The following SNRK variants were observed in gnomAD, a reference collection of about 807,000 sequenced individuals.
SNRK encodes SNF related kinase.
A neutral mutation model predicts 48.2 loss-of-function variants in SNRK; 3 were observed. That is an observed-to-expected ratio of 0.06 (90% CI 0.03 to 0.16). The LOEUF is 0.16. SNRK is among the 10% of genes least tolerant of loss of function. SNRK has a pLI of 1.00. For missense variants in SNRK, 627 were observed against 976.0 expected, an observed-to-expected ratio of 0.64 and a Z score of 4.76; for synonymous variants, 376 against 366.1, an observed-to-expected ratio of 1.03 and a Z score of -0.31.
intron 5 of SNRK, chr3:43,340,799 C>G: frequency 2.9e-6 from 1 of 348,262 alleles, no homozygotes; most frequent in South Asian, 3.5e-5. Context: ...CAGTATGTAC[C>G]TTATCTGTGG....
chr3:43,342,587 G>A (rs1490158609), intron 5 of SNRK, among the ~76,000 whole-genome samples: 2 of 152,300 alleles, frequency 1.3e-5, no homozygotes, highest in African/African-American at 2.4e-5. Context: ...ACTACAGAAA[G>A]TTTCTGAAAA....
At chr3:43,346,660 G>T (rs2091278642) in intron 6 of SNRK, among the ~76,000 whole-genome samples, 1 of 152,204 alleles carries the variant, frequency 6.6e-6, no homozygotes, top group Non-Finnish European at 1.5e-5. Context: ...AGGGTTGCTT[G>T]ATATCCCAGG....
At position 43,296,423 on chromosome 3, in the gene SNRK, T is replaced by TATATATATATATATGTATATATATATTC. The variant is rs1553632591; in HGVS notation, c.-168-3321_-168-3320insATATGTATATATATATTCATATATATAT. On this transcript the variant is annotated intron_variant, in intron 1 of 6. Transcript: ENST00000296088. ...TTAGATGGATATACTGGCATATATA[T>TATATATATATATATGTATATATATATTC]ATATATATATGTATATATATATATT... Among the ~76,000 whole-genome samples, 162 of 143,636 alleles carry TATATATATATATATGTATATATATATTC rather than the reference T, an allele frequency of 1.1e-3. 1 individual carries two copies. The highest frequency in any genetic ancestry group is 4.0e-3 in the African/African-American group (154 of 38,082). The allele number at this position is 143,636 out of a possible 152,430, so 94.2% of individuals were successfully genotyped here. A position where few individuals can be genotyped will look rare whatever the true frequency, so the allele number is the denominator to read the frequency against.
chr3:43,334,682 C>T (rs1354876550), intron 4 of SNRK, among the ~76,000 whole-genome samples: 1 of 151,986 alleles, frequency 6.6e-6, no homozygotes, highest in Non-Finnish European at 1.5e-5. Flanking sequence ...CAGCCTCCAC[C>T]TCCTGGGTTC....
At chr3:43,346,094 A>G (rs1433296279) in intron 6 of SNRK, among the ~76,000 whole-genome samples, 1 of 152,150 alleles carries the variant, frequency 6.6e-6, no homozygotes, top group Admixed American at 6.5e-5. Flanking sequence ...CATCTCATAG[A>G]CTGCACCCAG....
intron 1 of SNRK, among the ~76,000 whole-genome samples, chr3:43,295,069 C>A (rs2090842268): frequency 6.6e-6 from 1 of 152,186 alleles, no homozygotes; most frequent in South Asian, 2.1e-4. Flanking sequence ...GAAATGATGA[C>A]ATGCTTAGCA....
intron 1 of SNRK, chr3:43,289,798 T>A (rs189071958): frequency 7.9e-4 from 121 of 152,804 alleles, no homozygotes; most frequent in African/African-American, 2.7e-3. Flanking sequence ...AGGTAGGCTG[T>A]TCCATGGCAA....
chr3:43,322,058 C>T (rs1180930652), intron 3 of SNRK, among the ~76,000 whole-genome samples: 1 of 152,268 alleles, frequency 6.6e-6, no homozygotes, highest in East Asian at 1.9e-4. Context: ...TCAGTGTCTG[C>T]TTTGTGGCTT....
At chr3:43,345,787 A>T (rs1347528260) in intron 6 of SNRK, among the ~76,000 whole-genome samples, 1 of 152,324 alleles carries the variant, frequency 6.6e-6, no homozygotes, top group Admixed American at 6.5e-5. Flanking sequence ...GGAGTTGTCA[A>T]ATCAAGTAGC....
At chr3:43,288,999 T>G (rs542152580) in intron 1 of SNRK, among the ~76,000 whole-genome samples, 1 of 152,298 alleles carries the variant, frequency 6.6e-6, no homozygotes, top group South Asian at 2.1e-4. Context: ...TGTTTGTGTG[T>G]CTCTTTTGGT....
chr3:43,346,518 TAAAATG>T (rs2091277414), intron 6 of SNRK, among the ~76,000 whole-genome samples: 1 of 152,238 alleles, frequency 6.6e-6, no homozygotes, highest in Non-Finnish European at 1.5e-5. Context: ...GGTTGGGAGA[TAAAATG>T]AAAGTTTAAA....
intron 3 of SNRK, among the ~76,000 whole-genome samples, chr3:43,326,452 G>A (rs2091097302): frequency 6.6e-6 from 1 of 151,512 alleles, no homozygotes; most frequent in Admixed American, 6.6e-5. Context: ...GTAGACTAGG[G>A]CCTGCTCAAC....
intron 6 of SNRK, among the ~76,000 whole-genome samples, chr3:43,344,351 C>T (rs937363868): frequency 1.3e-5 from 2 of 152,108 alleles, no homozygotes; most frequent in Non-Finnish European, 2.9e-5. Context: ...TAAAGTAACC[C>T]ATGGAACTGT....
intron 3 of SNRK, among the ~76,000 whole-genome samples, chr3:43,320,930 G>GTTTTTTTTTTT (rs11327863): frequency 7.5e-6 from 1 of 133,532 alleles, no homozygotes; most frequent in Non-Finnish European, 1.6e-5. Context: ...TTTTTTCAAG[G>GTTTTTTTTTTT]TTTTTTTTTT....
Position 43,303,842 on chromosome 3 carries a change from G to A in SNRK, c.589+50G>A. The A allele has an allele frequency of 7.7e-7, 1 of 1,300,856 alleles. No individual in the cohort carries two copies. Among genetic ancestry groups the A allele is most frequent in the South Asian group, 1.3e-5 (1 of 75,126 alleles). 80.6% of individuals were successfully genotyped at this position (1,300,856 alleles called of 1,614,324 possible). A position where few individuals can be genotyped will look rare whatever the true frequency, so the allele number is the denominator to read the frequency against. ...GGCCATTTGAATTCTGCCAGCTAGA[G>A]TTGGTCAGATCGGTTGTTTATCTAA... On this transcript the variant is annotated intron_variant, in intron 3 of 6. Coordinates refer to ENST00000296088, the MANE Select transcript of SNRK (RefSeq NM_017719.5). The surrounding 1 kb of genome is among the most constrained non-coding windows in gnomAD (Gnocchi z 6.2).
Position 43,347,802 on chromosome 3 carries a change from A to C in SNRK, c.1543A>C (p.Asn515His), listed in dbSNP as rs2091288843. The change falls in exon 7 of 7, where the codon AAT becomes CAT. Residue 515 changes from asparagine (N) to histidine (H), a missense_variant. Asn to His is a moderately conservative substitution (Grantham distance 68). Around this residue, in one of 4 missense-constraint regions of SNRK, gnomAD observed 98 missense variants for 175.2 expected, o/e 0.56. Transcript: ENST00000296088. The surrounding 1 kb of genome is among the most constrained non-coding windows in gnomAD (Gnocchi z 5.4). ...LPPKLSRLKM[N>H]IASPGTVHKR... is the part of the protein sequence containing the mutation. ...TCCCAAGTTGAGCAGGTTAAAGATG[A>C]ATATAGCTTCTCCAGGTACAGTTCA... The C allele has an allele frequency of 6.2e-7, 1 of 1,614,062 alleles. No individual in the cohort carries two copies. The highest frequency in any genetic ancestry group is 1.7e-5 in the Admixed American group (1 of 60,004).
chr3:43,312,772 A>T (rs1489577739), intron 3 of SNRK, among the ~76,000 whole-genome samples: 1 of 152,214 alleles, frequency 6.6e-6, no homozygotes, highest in Non-Finnish European at 1.5e-5. Flanking sequence ...TTAGATCAAC[A>T]CCAAATCAAT....
At chr3:43,306,677 G>A (rs1308243758) in intron 3 of SNRK, among the ~76,000 whole-genome samples, 1 of 152,028 alleles carries the variant, frequency 6.6e-6, no homozygotes, top group African/African-American at 2.4e-5. Context: ...TATCTGATGT[G>A]TACATCTTTA....
chr3:43,342,279 T>C (rs1049167209), intron 5 of SNRK, among the ~76,000 whole-genome samples: 2 of 152,208 alleles, frequency 1.3e-5, no homozygotes, highest in African/African-American at 4.8e-5. Flanking sequence ...TCAGCTAGCC[T>C]CACTCCGTGC....
Sources: gnomAD v4.1 joint callset for allele counts (sites outside exome capture counted in the v4.1 genomes callset) on GRCh38, gnomAD v4.1.1 for gene constraint, gnomAD v4.1.1 regional missense constraint, Gnocchi (gnomAD v3.1) non-coding constraint, MANE v1.5 for transcripts, NCBI Gene and HGNC (gene_info 2026-07-23, HGNC 2026-07-21) for gene names.